The following GLRA3 variants were observed in gnomAD, a reference collection of about 807,000 sequenced individuals.
GLRA3 encodes the protein glycine receptor alpha 3.
In GLRA3, 44 loss-of-function variants were observed where a neutral mutation model predicts 60.4. The ratio of observed to expected loss-of-function variants is 0.73; its 90% CI spans 0.57 to 0.94. GLRA3 has a LOEUF of 0.94. Ranked by LOEUF, GLRA3 falls within the 40% of genes least tolerant of loss-of-function variation. GLRA3 has a pLI of 0.00. For synonymous variants in GLRA3, 223 were observed against 192.9 expected, an observed-to-expected ratio of 1.16 and a Z score of -1.29; for missense variants, 508 against 564.6, an observed-to-expected ratio of 0.90 and a Z score of 1.02.
At chr4:174,792,231 C>A (rs1204505236) in intron 1 of GLRA3, among the ~76,000 whole-genome samples, 12 of 152,092 alleles carry the variant, frequency 7.9e-5, no homozygotes, top group African/African-American at 2.9e-4. Flanking sequence ...GCTAATGCAA[C>A]AGAAATTAAC....
At chr4:174,815,578 A>T (rs1385841791) in intron 1 of GLRA3, among the ~76,000 whole-genome samples, 2 of 152,166 alleles carry the variant, frequency 1.3e-5, no homozygotes, top group African/African-American at 4.8e-5. Flanking sequence ...GTTCCCAAAC[A>T]TCAGTTCTTG....
At chr4:174,760,797 T>C (rs1463067438) in intron 3 of GLRA3, among the ~76,000 whole-genome samples, 1 of 152,172 alleles carries the variant, frequency 6.6e-6, no homozygotes. Context: ...AGAGATGATC[T>C]GTAGTATTGA....
At chr4:174,652,625 A>T (rs781266373) in intron 9 of GLRA3, among the ~76,000 whole-genome samples, 1 of 152,156 alleles carries the variant, frequency 6.6e-6, no homozygotes, top group African/African-American at 2.4e-5. Flanking sequence ...ATACTGTGAG[A>T]CTTTGTATGT....
At chr4:174,760,763 G>A (rs770906906) in intron 3 of GLRA3, among the ~76,000 whole-genome samples, 2 of 151,902 alleles carry the variant, frequency 1.3e-5, no homozygotes, top group African/African-American at 2.4e-5. Flanking sequence ...CAGGTGATCC[G>A]CCCTATGCAA....
rs541826779 is a variant in GLRA3, at chr4:174,762,236, C to A, written c.267+4727G>T. 2.0e-5 allele frequency among the ~76,000 whole-genome samples: 3 copies of A among 152,178 alleles called. No individual in the cohort carries two copies. In the East Asian group the frequency reaches 5.8e-4, roughly 29 times the overall value. On this transcript the variant is annotated intron_variant, in intron 3 of 9. Transcript: ENST00000274093. ...TAATGTCATCGTGGGTGTAGCCAGTCCCATAAGGTGCTTCTATGATGGAAA... is the reference window on the plus strand; with the variant it reads ...TAATGTCATCGTGGGTGTAGCCAGTACCATAAGGTGCTTCTATGATGGAAA...
At chr4:174,751,057 GTCTGTCTA>G (rs1407931068) in intron 3 of GLRA3, among the ~76,000 whole-genome samples, 11,592 of 142,192 alleles carry the variant, frequency 0.082, 508 homozygotes, top group Non-Finnish European at 0.09. Context: ...AAGCCTGTCT[GTCTGTCTA>G]TCTATCTATC....
At chr4:174,652,555 T>C (rs747230830) in intron 9 of GLRA3, among the ~76,000 whole-genome samples, 3 of 149,000 alleles carry the variant, frequency 2.0e-5, no homozygotes, top group African/African-American at 7.4e-5. Context: ...TACAGGAGTA[T>C]CTTTTTTCTG....
intron 1 of GLRA3, among the ~76,000 whole-genome samples, chr4:174,821,826 T>C (rs1221929175): frequency 3.3e-5 from 5 of 152,314 alleles, no homozygotes; most frequent in Middle Eastern, 3.4e-3. Flanking sequence ...TAATATCTTC[T>C]AAGGAGATTG....
chr4:174,688,938 T>G (rs1342409834), intron 5 of GLRA3, among the ~76,000 whole-genome samples: 1 of 152,034 alleles, frequency 6.6e-6, no homozygotes, highest in Non-Finnish European at 1.5e-5. Flanking sequence ...AGAGGTACAT[T>G]TCAGCTAAAT....
At chr4:174,821,655 G>A (rs1285949990) in intron 1 of GLRA3, among the ~76,000 whole-genome samples, 4 of 151,984 alleles carry the variant, frequency 2.6e-5, no homozygotes, top group Admixed American at 1.3e-4. Context: ...TGCTTTAAGA[G>A]GCAATAATGA....
At chr4:174,709,130 G>T (rs1245902489) in intron 5 of GLRA3, among the ~76,000 whole-genome samples, 1 of 151,840 alleles carries the variant, frequency 6.6e-6, no homozygotes, top group African/African-American at 2.4e-5. Context: ...TGTTGCTAGC[G>T]CTTCAAACAG....
At position 174,741,139 on chromosome 4, in the gene GLRA3, GAAA is replaced by G. The variant is rs543233714; in HGVS notation, c.268-12444_268-12442del. On this transcript the variant is annotated intron_variant, in intron 3 of 9. Transcript: ENST00000274093. Reference sequence around the variant, plus strand: ...CATATTAAGTGCATGTTTACATTTAGAAAAAAAGTGCTAAACTGTTTTCTAGAA... The same window carrying G: ...CATATTAAGTGCATGTTTACATTTAGAAAAGTGCTAAACTGTTTTCTAGAA... 6.4e-4 allele frequency among the ~76,000 whole-genome samples: 97 copies of G among 152,092 alleles called. No individual in the cohort carries two copies. In the South Asian group the frequency reaches 7.3e-3, roughly 11 times the overall value.
chr4:174,728,734 C>A, intron 3 of GLRA3, 36 bp from the exon 4 acceptor site: 11 of 1,295,274 alleles, frequency 8.5e-6, no homozygotes, highest in Admixed American at 4.3e-5. Flanking sequence ...AAAAAAAAAA[C>A]CCTGCTTTAA....
At chr4:174,651,731 T>C (rs1202580920) in intron 9 of GLRA3, among the ~76,000 whole-genome samples, 1 of 152,168 alleles carries the variant, frequency 6.6e-6, no homozygotes, top group Non-Finnish European at 1.5e-5. Flanking sequence ...CACTGTCTTA[T>C]TATTACAATA....
At chr4:174,703,244 C>T (rs1039100875) in intron 5 of GLRA3, among the ~76,000 whole-genome samples, 2 of 152,106 alleles carry the variant, frequency 1.3e-5, no homozygotes, top group Non-Finnish European at 2.9e-5. Flanking sequence ...AATGAAGAAT[C>T]CACTGGTGAG....
At chr4:174,666,497 C>A (rs1180458149) in intron 7 of GLRA3, among the ~76,000 whole-genome samples, 1 of 151,690 alleles carries the variant, frequency 6.6e-6, no homozygotes, top group Non-Finnish European at 1.5e-5. Context: ...TGTTTACTTG[C>A]CATGTAACAA....
At chr4:174,767,153 CA>C in intron 2 of GLRA3, 123 bp from the exon 3 acceptor site, 1 of 497,746 alleles carries the variant, frequency 2.0e-6, no homozygotes. Context: ...CACACACACA[CA>C]CAGATGCTTA....
intron 1 of GLRA3, among the ~76,000 whole-genome samples, chr4:174,798,928 GA>G (rs763905110): frequency 1.7e-3 from 223 of 134,842 alleles, no homozygotes; most frequent in Middle Eastern, 7.6e-3. Flanking sequence ...CTGAAAAAAG[GA>G]AAAAAAAAAA....
intron 5 of GLRA3, among the ~76,000 whole-genome samples, chr4:174,687,175 G>T (rs1424949132): frequency 6.6e-6 from 1 of 152,112 alleles, no homozygotes; most frequent in Non-Finnish European, 1.5e-5. Context: ...TATTTTTACT[G>T]CCATATCTTG....
Sources: allele counts gnomAD v4.1 joint callset (sites outside exome capture counted in the v4.1 genomes callset), GRCh38; gene constraint gnomAD v4.1.1; transcripts MANE v1.5; gene names NCBI Gene and HGNC (gene_info 2026-07-23, HGNC 2026-07-21).